Variants in VEPH1 observed in about 807,000 individuals in gnomAD.
VEPH1 encodes the protein ventricular zone-expressed PH domain-containing protein homolog 1.
Under a neutral mutation model 85.2 loss-of-function variants are expected in VEPH1, and 80 were observed. The ratio of observed to expected loss-of-function variants is 0.94; its 90% CI spans 0.78 to 1.13. The LOEUF (loss-of-function observed/expected upper bound fraction) is 1.13, where lower values mean the gene tolerates loss of function less well. VEPH1 is among the 50% of genes most tolerant of loss of function. The pLI, the probability that VEPH1 is intolerant of heterozygous loss-of-function variation, is 0.00. For missense variants in VEPH1, 955 were observed against 980.5 expected (o/e 0.97, Z 0.35); for synonymous variants, 297 against 348.0 (o/e 0.85, Z 1.63).
intron 6 of VEPH1, among the ~76,000 whole-genome samples, chr3:157,384,461 T>C (rs1447969665): frequency 1.3e-5 from 2 of 152,218 alleles, no homozygotes; most frequent in Non-Finnish European, 1.5e-5. Context: ...TTCACAAACA[T>C]TTCATTTGCT....
chr3:157,395,466 C>T (rs1037810735), intron 6 of VEPH1, among the ~76,000 whole-genome samples: 61 of 152,178 alleles, frequency 4.0e-4, no homozygotes, highest in African/African-American at 1.4e-3. Flanking sequence ...CATGAATAAC[C>T]TCCTTCTCTG....
intron 2 of VEPH1, among the ~76,000 whole-genome samples, chr3:157,492,056 T>C (rs1284549892): frequency 3.3e-5 from 5 of 152,076 alleles, no homozygotes; most frequent in African/African-American, 9.7e-5. Context: ...AGAAACAAGA[T>C]TGTCCTTTGA....
At chr3:157,397,527 C>T (rs541972034) in intron 6 of VEPH1, among the ~76,000 whole-genome samples, 45 of 152,208 alleles carry the variant, frequency 3.0e-4, no homozygotes, top group Non-Finnish European at 5.0e-4. Context: ...GCCATTTTCA[C>T]GATATTGATT....
At chr3:157,264,656 C>T (rs1354067775) in intron 13 of VEPH1, among the ~76,000 whole-genome samples, 1 of 152,160 alleles carries the variant, frequency 6.6e-6, no homozygotes, top group Non-Finnish European at 1.5e-5. Flanking sequence ...GTTTCTTTGA[C>T]TCAGTTTCCT....
At chr3:157,453,011 C>T (rs1735099358) in intron 4 of VEPH1, among the ~76,000 whole-genome samples, 1 of 152,118 alleles carries the variant, frequency 6.6e-6, no homozygotes, top group Non-Finnish European at 1.5e-5. Context: ...AGTACAGTAT[C>T]CCCTGGAAAT....
chr3:157,410,899 TG>T (rs1356774650), intron 6 of VEPH1, among the ~76,000 whole-genome samples: 12 of 152,164 alleles, frequency 7.9e-5, no homozygotes, highest in African/African-American at 2.4e-4. Flanking sequence ...CAGCAACAGC[TG>T]TTTGTTCTTC....
At chr3:157,420,239 C>T (rs1016035944) in intron 5 of VEPH1, among the ~76,000 whole-genome samples, 5 of 151,952 alleles carry the variant, frequency 3.3e-5, no homozygotes, top group Admixed American at 1.3e-4. Context: ...GCTTAATACC[C>T]AGGTGATGGG....
chr3:157,333,857 TC>T (rs1319441221), intron 9 of VEPH1, among the ~76,000 whole-genome samples: 2 of 152,126 alleles, frequency 1.3e-5, no homozygotes, highest in Non-Finnish European at 2.9e-5. Context: ...CATTTTTTTT[TC>T]CCCAGAGGAA....
chr3:157,467,912 G>A (rs1220398680), intron 3 of VEPH1, among the ~76,000 whole-genome samples: 3 of 152,146 alleles, frequency 2.0e-5, no homozygotes, highest in Non-Finnish European at 4.4e-5. Flanking sequence ...AATGAGTTGA[G>A]CATTTCAATT....
At chr3:157,424,951 A>C (rs987807285) in intron 5 of VEPH1, among the ~76,000 whole-genome samples, 3 of 152,210 alleles carry the variant, frequency 2.0e-5, no homozygotes, top group African/African-American at 4.8e-5. Context: ...ACAATGGGGA[A>C]AATGTGTCCA....
At chr3:157,303,676 A>G (rs563819033) in intron 11 of VEPH1, among the ~76,000 whole-genome samples, 37 of 152,224 alleles carry the variant, frequency 2.4e-4, no homozygotes, top group South Asian at 2.1e-3. Flanking sequence ...AGGTCCTTCC[A>G]TGATTTGCAG....
At chr3:157,436,145 C>T (rs1197234959) in intron 4 of VEPH1, among the ~76,000 whole-genome samples, 5 of 152,080 alleles carry the variant, frequency 3.3e-5, no homozygotes, top group Admixed American at 2.6e-4. Flanking sequence ...GGTGTGGTGG[C>T]GGGTGCCTGT....
At chr3:157,342,932 G>C (rs968385253) in intron 9 of VEPH1, among the ~76,000 whole-genome samples, 8 of 152,096 alleles carry the variant, frequency 5.3e-5, no homozygotes, top group African/African-American at 1.9e-4. Flanking sequence ...TGACTACTGG[G>C]TACACAACGA....
chr3:157,381,327 A>T lies in VEPH1; in HGVS notation c.956T>A (p.Met319Lys), dbSNP rs1317843920. Residue 319 changes from methionine to lysine, a missense_variant, in exon 7 of 14, where the codon ATG (methionine) becomes AAG (lysine). Coordinates refer to ENST00000362010, the MANE Select transcript of VEPH1 (RefSeq NM_001167912.2). ...LTYLVSQLAN[M>K]EHSFHHILLL... Reference sequence around the variant, plus strand: ...GAGAATATGGTGAAACGAATGCTCCATGTTGGCCAGTTGGCTCACCAGGTA... The same window carrying T: ...GAGAATATGGTGAAACGAATGCTCCTTGTTGGCCAGTTGGCTCACCAGGTA... 5.0e-6 allele frequency: 8 copies of T among 1,614,222 alleles called. No homozygotes were observed. The highest frequency in any genetic ancestry group is 6.8e-6 in the Non-Finnish European group (8 of 1,180,042).
chr3:157,444,317 C>A (rs796455188), intron 4 of VEPH1, among the ~76,000 whole-genome samples: 1 of 152,190 alleles, frequency 6.6e-6, no homozygotes, highest in South Asian at 2.1e-4. Flanking sequence ...AGGTGTCAGA[C>A]AAGTTACATA....
chr3:157,319,884 A>C (rs371861835), intron 9 of VEPH1, among the ~76,000 whole-genome samples: 26 of 152,286 alleles, frequency 1.7e-4, no homozygotes, highest in African/African-American at 6.0e-4. Context: ...TTAACTTAGA[A>C]GCATATACAC....
chr3:157,490,974 T>C (rs1240477646), intron 2 of VEPH1, among the ~76,000 whole-genome samples: 1 of 152,150 alleles, frequency 6.6e-6, no homozygotes, highest in African/African-American at 2.4e-5. Context: ...TGTACCAATA[T>C]AGACAAATCT....
chr3:157,299,029 G>A (rs1718446803), intron 11 of VEPH1, among the ~76,000 whole-genome samples: 1 of 152,126 alleles, frequency 6.6e-6, no homozygotes. Flanking sequence ...TGTTAAGTGT[G>A]CATGACTACT....
chr3:157,488,151 A>AT (rs1053918872), intron 2 of VEPH1, among the ~76,000 whole-genome samples: 12 of 152,068 alleles, frequency 7.9e-5, no homozygotes, highest in African/African-American at 1.7e-4. Context: ...TTTAAAACAT[A>AT]TTTTTTTCTT....
Sources: gnomAD v4.1 joint callset for allele counts (sites outside exome capture counted in the v4.1 genomes callset) on GRCh38, gnomAD v4.1.1 for gene constraint, MANE v1.5 for transcripts, NCBI Gene and HGNC (gene_info 2026-07-23, HGNC 2026-07-21) for gene names.